RBM20: variants seen among roughly 807,000 people sequenced by gnomAD.
RBM20 encodes RNA-binding protein 20.
A neutral mutation model predicts 110.1 loss-of-function variants in RBM20; 51 were observed. The observed-to-expected ratio is 0.46, with a 90% CI of 0.37 to 0.59. The LOEUF is 0.59. RBM20 is among the 20% of genes least tolerant of loss of function. RBM20 has a pLI of 0.00. For missense variants in RBM20, 1,512 were observed against 1,574.9 expected, an observed-to-expected ratio of 0.96 and a Z score of 0.68; for synonymous variants, 589 against 618.2, an observed-to-expected ratio of 0.95 and a Z score of 0.70.
chr10:110,781,776 A>C lies in RBM20; in HGVS notation c.1167A>C (p.Leu389=), dbSNP rs1327358422. The part of the protein sequence containing the change: ...GRRAKEDQAL[L]SVRPLQAHEL... ...GGGCCAAGGAGGACCAGGCGTTGCT[A>C]TCTGTGCGGCCCCTGCAGGCTCATG... The change falls in exon 2 of 14, where the codon CTA becomes CTC. Residue 389 remains leucine, a synonymous_variant. Transcript: ENST00000369519. 1 of 1,551,812 alleles carries C rather than the reference A, an allele frequency of 6.4e-7. No homozygotes were observed. The highest frequency in any genetic ancestry group is 8.7e-7 in the Non-Finnish European group (1 of 1,147,002).
chr10:110,704,646 A>T (rs1862809556), intron 1 of RBM20, among the ~76,000 whole-genome samples: 1 of 152,130 alleles, frequency 6.6e-6, no homozygotes, highest in African/African-American at 2.4e-5. Context: ...AGAGGAGGGG[A>T]TTCAGATGGT....
intron 1 of RBM20, among the ~76,000 whole-genome samples, chr10:110,753,880 G>T (rs1399724567): frequency 1.3e-5 from 2 of 152,166 alleles, no homozygotes; most frequent in East Asian, 3.8e-4. Context: ...AGCCATTGTA[G>T]CATCTCCAAA....
intron 5 of RBM20, among the ~76,000 whole-genome samples, chr10:110,785,664 C>T (rs537847778): frequency 1.5e-4 from 23 of 152,104 alleles, no homozygotes; most frequent in Non-Finnish European, 2.1e-4. Context: ...GGCTTTGTGT[C>T]ATTCAGAAAA....
intron 1 of RBM20, among the ~76,000 whole-genome samples, chr10:110,777,482 C>T (rs1844281164): frequency 6.6e-6 from 1 of 152,158 alleles, no homozygotes. Context: ...GTGCTCAGCT[C>T]TGATGATTCA....
chr10:110,666,961 A>T (rs1442479497), intron 1 of RBM20, among the ~76,000 whole-genome samples: 1 of 152,220 alleles, frequency 6.6e-6, no homozygotes, highest in Non-Finnish European at 1.5e-5. Context: ...AATAGACCGC[A>T]TTCCTCCCAC....
At chr10:110,720,792 G>A (rs568371405) in intron 1 of RBM20, among the ~76,000 whole-genome samples, 12 of 145,344 alleles carry the variant, frequency 8.3e-5, no homozygotes, top group South Asian at 2.5e-4. Flanking sequence ...TGGAGTGACC[G>A]TTGAAAATGC....
At chr10:110,696,788 G>A (rs564212013) in intron 1 of RBM20, among the ~76,000 whole-genome samples, 6 of 152,278 alleles carry the variant, frequency 3.9e-5, no homozygotes, top group Non-Finnish European at 7.4e-5. Flanking sequence ...AGAGGGTTTC[G>A]TCCAACTCTG....
chr10:110,831,682 A>AAAAAAAAAAAAAAAAAAC (rs1845057003), intron 13 of RBM20, among the ~76,000 whole-genome samples: 1 of 136,472 alleles, frequency 7.3e-6, no homozygotes. Flanking sequence ...AAAAAAAAAA[A>AAAAAAAAAAAAAAAAAAC]AAAAAAAAAC....
In RBM20 at chr10:110,705,161, C is replaced by T. The variant is rs556138431; in HGVS notation, c.191+60516C>T. Among the ~76,000 whole-genome samples, 3 of 152,296 alleles carry T rather than the reference C, an allele frequency of 2.0e-5. No individual in the cohort carries two copies. The South Asian group carries it at 6.2e-4, about 32-fold the overall frequency. On this transcript the variant is annotated intron_variant, in intron 1 of 13. Transcript: ENST00000369519. The stretch of plus-strand genomic sequence containing the variant: ...TGCTGGTTCTTTCTGTGGATTGGGT[C>T]ATTTTGATGGAGTGCAGTGAAAGTT...
At chr10:110,722,231 G>A (rs1329399568) in intron 1 of RBM20, among the ~76,000 whole-genome samples, 1 of 152,148 alleles carries the variant, frequency 6.6e-6, no homozygotes, top group Non-Finnish European at 1.5e-5. Context: ...ACAACAGCAG[G>A]CATTTTTAAA....
intron 1 of RBM20, among the ~76,000 whole-genome samples, chr10:110,730,069 T>A (rs1345410740): frequency 6.6e-6 from 1 of 152,160 alleles, no homozygotes; most frequent in Admixed American, 6.6e-5. Context: ...CCACCCGCCT[T>A]GACCTCCCAC....
rs146463813 is a variant in RBM20 at position 110,777,366 on chromosome 10, C to T, written c.192-3435C>T. ...TCAGAAATATGATCACTACTATATG[C>T]ACCTCAATTTCAGGTTATTAACTAT... On this transcript the variant is annotated intron_variant, in intron 1 of 13. Coordinates refer to ENST00000369519, the MANE Select transcript of RBM20 (RefSeq NM_001134363.3). Among the ~76,000 whole-genome samples, 118 of 152,308 alleles carry T rather than the reference C, an allele frequency of 7.7e-4. 2 individuals carry two copies. Among genetic ancestry groups the T allele is most frequent in the African/African-American group, 2.8e-3 (115 of 41,558 alleles).
intron 1 of RBM20, among the ~76,000 whole-genome samples, chr10:110,708,196 T>G (rs1231060375): frequency 2.0e-5 from 3 of 152,336 alleles, no homozygotes; most frequent in East Asian, 1.9e-4. Context: ...TAATCACCAT[T>G]TTGAAATTCT....
At chr10:110,757,001 C>A (rs1027265177) in intron 1 of RBM20, among the ~76,000 whole-genome samples, 1 of 152,170 alleles carries the variant, frequency 6.6e-6, no homozygotes, top group Non-Finnish European at 1.5e-5. Flanking sequence ...AAACAACTTA[C>A]AATCAGATTT....
intron 1 of RBM20, among the ~76,000 whole-genome samples, chr10:110,685,750 G>T (rs916897762): frequency 2.0e-5 from 3 of 152,210 alleles, no homozygotes; most frequent in Non-Finnish European, 4.4e-5. Context: ...TGGGCGGGAG[G>T]GTCGGGAGGT....
chr10:110,652,489 G>A (rs1861965554), intron 1 of RBM20, among the ~76,000 whole-genome samples: 1 of 152,098 alleles, frequency 6.6e-6, no homozygotes, highest in South Asian at 2.1e-4. Flanking sequence ...CTAACCGTCT[G>A]TACCTGCGAG....
intron 7 of RBM20, among the ~76,000 whole-genome samples, chr10:110,810,178 C>T (rs1844746629): frequency 6.6e-6 from 1 of 152,216 alleles, no homozygotes; most frequent in African/African-American, 2.4e-5. Flanking sequence ...CAATGGACCA[C>T]TCAGTGTTCT....
intron 1 of RBM20, among the ~76,000 whole-genome samples, chr10:110,680,984 G>A (rs1424316041): frequency 1.3e-5 from 2 of 152,106 alleles, no homozygotes; most frequent in Non-Finnish European, 2.9e-5. Flanking sequence ...TTACAGACAT[G>A]ACTTGTTACA....
intron 1 of RBM20, among the ~76,000 whole-genome samples, chr10:110,660,007 C>T (rs906098215): frequency 4.0e-5 from 6 of 151,630 alleles, no homozygotes; most frequent in African/African-American, 9.7e-5. Context: ...TTGTAGAGTC[C>T]GGTTTTCACC....
Sources: gnomAD v4.1 joint callset for allele counts (sites outside exome capture counted in the v4.1 genomes callset) on GRCh38, gnomAD v4.1.1 for gene constraint, MANE v1.5 for transcripts, NCBI Gene and HGNC (gene_info 2026-07-23, HGNC 2026-07-21) for gene names.